LSAMP: variants seen among roughly 807,000 people sequenced by gnomAD.
LSAMP encodes the protein limbic system-associated membrane protein.
Under a neutral mutation model 38.6 loss-of-function variants are expected in LSAMP, and 7 were observed. The observed-to-expected ratio is 0.18, with a 90% CI of 0.10 to 0.34. The LOEUF is 0.34. Ranked by LOEUF, LSAMP falls within the 10% of genes least tolerant of loss-of-function variation. The pLI, the probability that LSAMP is intolerant of heterozygous loss-of-function variation, is 1.00. For missense variants in LSAMP, 313 were observed against 420.0 expected (o/e 0.75, Z 2.23); for synonymous variants, 154 against 166.8 (o/e 0.92, Z 0.59).
At chr3:116,085,344 T>C (rs1422451322) in intron 2 of LSAMP, among the ~76,000 whole-genome samples, 2 of 152,204 alleles carry the variant, frequency 1.3e-5, no homozygotes, top group Non-Finnish European at 2.9e-5. Context: ...AGAGCAATAA[T>C]TTAAACACTA....
intron 1 of LSAMP, among the ~76,000 whole-genome samples, chr3:116,203,716 C>T (rs2046024268): frequency 6.6e-6 from 1 of 152,062 alleles, no homozygotes; most frequent in South Asian, 2.1e-4. Flanking sequence ...CATGTCCCTA[C>T]AAAGGACATG....
At chr3:116,355,804 GC>G (rs2048215061) in intron 1 of LSAMP, among the ~76,000 whole-genome samples, 1 of 152,194 alleles carries the variant, frequency 6.6e-6, no homozygotes, top group South Asian at 2.1e-4. Context: ...CATACAAATG[GC>G]AGACAAGTAT....
At chr3:116,219,028 A>C (rs2046252659) in intron 1 of LSAMP, among the ~76,000 whole-genome samples, 1 of 152,228 alleles carries the variant, frequency 6.6e-6, no homozygotes, top group African/African-American at 2.4e-5. Flanking sequence ...TATAAGTACC[A>C]TATCATATAG....
At chr3:116,111,315 A>C (rs1708609615) in intron 1 of LSAMP, among the ~76,000 whole-genome samples, 1 of 152,210 alleles carries the variant, frequency 6.6e-6, no homozygotes, top group Non-Finnish European at 1.5e-5. Flanking sequence ...GTCACTGAGA[A>C]ATGGTAGGAC....
At chr3:115,941,982 G>T (rs1010796153) in intron 3 of LSAMP, among the ~76,000 whole-genome samples, 1 of 151,562 alleles carries the variant, frequency 6.6e-6, no homozygotes, top group Admixed American at 6.6e-5. Flanking sequence ...TATAATCTTT[G>T]TCAATTAGAT....
At chr3:116,015,763 T>A (rs76492610) in intron 3 of LSAMP, among the ~76,000 whole-genome samples, 37,371 of 150,590 alleles carry the variant, frequency 0.25, 4,799 homozygotes, top group African/African-American at 0.32. Context: ...CCTTACCCAA[T>A]TTTTTTTAAA....
intron 1 of LSAMP, among the ~76,000 whole-genome samples, chr3:116,218,218 C>T (rs576529211): frequency 3.9e-5 from 6 of 151,908 alleles, no homozygotes; most frequent in Admixed American, 2.6e-4. Flanking sequence ...GACTTACCTA[C>T]TAGATTTAGG....
intron 1 of LSAMP, among the ~76,000 whole-genome samples, chr3:116,174,159 T>G (rs982067860): frequency 4.6e-5 from 7 of 152,036 alleles, no homozygotes; most frequent in Non-Finnish European, 1.0e-4. Flanking sequence ...ATAGCTGCAG[T>G]ATGAGCTGCC....
chr3:115,848,241 C>T (rs753453298), intron 4 of LSAMP, among the ~76,000 whole-genome samples: 12 of 152,122 alleles, frequency 7.9e-5, no homozygotes, highest in Non-Finnish European at 1.6e-4. Flanking sequence ...CTGGTCAACA[C>T]AGTGAATCCA....
chr3:115,957,694 G>T, intron 3 of LSAMP, among the ~76,000 whole-genome samples: 1 of 152,152 alleles, frequency 6.6e-6, no homozygotes, highest in Admixed American at 6.5e-5. Flanking sequence ...TGATTCTCTT[G>T]CTTCCATCTC....
At chr3:116,374,796 C>A (rs1318605275) in intron 1 of LSAMP, among the ~76,000 whole-genome samples, 1 of 151,860 alleles carries the variant, frequency 6.6e-6, no homozygotes. Context: ...GGCTATGCAA[C>A]TGACCCTAGA....
intron 3 of LSAMP, among the ~76,000 whole-genome samples, chr3:115,925,377 A>G (rs1176717727): frequency 7.2e-5 from 11 of 152,188 alleles, no homozygotes; most frequent in Admixed American, 3.9e-4. Context: ...CCTGACTTCT[A>G]TGCCATTTTG....
At chr3:116,184,712 T>C (rs766515778) in intron 1 of LSAMP, among the ~76,000 whole-genome samples, 5 of 151,932 alleles carry the variant, frequency 3.3e-5, no homozygotes, top group Admixed American at 6.6e-5. Flanking sequence ...TAGTATGATA[T>C]ATATTTTTAG....
chr3:116,330,320 G>A (rs2047831752), intron 1 of LSAMP, among the ~76,000 whole-genome samples: 1 of 152,130 alleles, frequency 6.6e-6, no homozygotes, highest in Non-Finnish European at 1.5e-5. Flanking sequence ...TCTGTGGCAG[G>A]CAGCTGTGCA....
At chr3:115,861,624 G>A (rs1191091901) in intron 3 of LSAMP, among the ~76,000 whole-genome samples, 1 of 152,176 alleles carries the variant, frequency 6.6e-6, no homozygotes, top group Non-Finnish European at 1.5e-5. Flanking sequence ...TATTCTAAAT[G>A]CAGTGTGTAG....
At chr3:116,269,402 T>A (rs1040213845) in intron 1 of LSAMP, among the ~76,000 whole-genome samples, 3 of 152,080 alleles carry the variant, frequency 2.0e-5, no homozygotes, top group Admixed American at 6.6e-5. Context: ...TTTAAGAGAG[T>A]ACTCACAGTT....
intron 1 of LSAMP, among the ~76,000 whole-genome samples, chr3:116,239,641 A>C (rs1217317089): frequency 6.6e-6 from 1 of 152,206 alleles, no homozygotes; most frequent in Non-Finnish European, 1.5e-5. Flanking sequence ...GGAAGGACCA[A>C]ACAGAACAAC....
intron 3 of LSAMP, among the ~76,000 whole-genome samples, chr3:115,885,854 T>C (rs945671467): frequency 1.3e-5 from 2 of 151,800 alleles, no homozygotes; most frequent in African/African-American, 2.4e-5. Flanking sequence ...AAAAAAACCA[T>C]TGCCCAATGA....
Position 116,275,500 on chromosome 3 carries a change from A to AATGTTATTT in LSAMP, c.155+169376_155+169377insAAATAACAT, listed in dbSNP as rs1266105649. Among the ~76,000 whole-genome samples the AATGTTATTT allele has an allele frequency of 7.9e-5, 12 of 152,086 alleles. 1 individual carries two copies. The highest frequency in any genetic ancestry group is 2.9e-4 in the African/African-American group (12 of 41,438). The stretch of plus-strand genomic sequence containing the variant: ...TGGGGGGAGTCTATAATTTAAAAGA[A>AATGTTATTT]ACGTTATTTACCTAATTAATTATTA... On this transcript the variant is annotated intron_variant, in intron 1 of 6. Coordinates refer to ENST00000490035, the MANE Select transcript of LSAMP (RefSeq NM_002338.5).
Sources: allele counts gnomAD v4.1 joint callset (sites outside exome capture counted in the v4.1 genomes callset), GRCh38; gene constraint gnomAD v4.1.1; transcripts MANE v1.5; gene names NCBI Gene and HGNC (gene_info 2026-07-23, HGNC 2026-07-21).